Variants in CEP112 observed in about 807,000 individuals in gnomAD.
CEP112 encodes centrosomal protein 112, also known as centrosomal protein of 112 kDa.
In CEP112, 127 loss-of-function variants were observed where a neutral mutation model predicts 153.0. The observed-to-expected ratio is 0.83, with a 90% CI of 0.72 to 0.96. CEP112 has a LOEUF of 0.96. CEP112 is among the 40% of genes least tolerant of loss of function. The pLI is 0.00. For missense variants in CEP112, 1,089 were observed against 1,101.2 expected, an observed-to-expected ratio of 0.99 and a Z score of 0.16; for synonymous variants, 358 against 374.4, an observed-to-expected ratio of 0.96 and a Z score of 0.51.
chr17:66,027,516 G>A lies in CEP112; in HGVS notation c.1641C>T (p.His547=). Residue 547 remains histidine, a synonymous_variant, in exon 16 of 27, where the codon CAC becomes CAT. Transcript: ENST00000535342. ...KFQMEKSHLK[H]IYEKKAHDLQ... ...AACATATTACCTTTTTTTCATAGAT[G>A]TGTTTTAAATGACTTTTCTCCATCT... 7.5e-7 allele frequency: 1 copy of A among 1,331,996 alleles called. No individual in the cohort carries two copies. Among genetic ancestry groups the A allele is most frequent in the South Asian group, 1.4e-5 (1 of 71,870 alleles). 82.5% of individuals were successfully genotyped at this position (1,331,996 alleles called of 1,614,324 possible).
chr17:65,867,151 C>T (rs1343613832), intron 20 of CEP112, among the ~76,000 whole-genome samples: 1 of 152,228 alleles, frequency 6.6e-6, no homozygotes, highest in East Asian at 1.9e-4. Context: ...TCAGCCATGG[C>T]AGCTGCTTAT....
Position 66,030,715 on chromosome 17 carries a change from G to A in CEP112, c.1219-692C>T, listed in dbSNP as rs571671698. ...CCTTTGTAGAACTGCAATTTAAAAC[G>A]TGGATAAAGGTATTTATCATCTTTT... On this transcript the variant is annotated intron_variant, in intron 12 of 26. Coordinates refer to ENST00000535342, the MANE Select transcript of CEP112 (RefSeq NM_001199165.4). Among the ~76,000 whole-genome samples, 10 of 152,014 alleles carry A rather than the reference G, an allele frequency of 6.6e-5. No individual in the cohort carries two copies. The South Asian group carries it at 2.1e-3, about 32-fold the overall frequency.
At chr17:66,098,105 G>A (rs532144360) in intron 6 of CEP112, among the ~76,000 whole-genome samples, 4 of 152,298 alleles carry the variant, frequency 2.6e-5, no homozygotes, top group African/African-American at 7.2e-5. Context: ...GCAATCAATC[G>A]TTCAAACCAG....
At chr17:66,128,487 T>G (rs1361053435) in intron 6 of CEP112, among the ~76,000 whole-genome samples, 1 of 152,084 alleles carries the variant, frequency 6.6e-6, no homozygotes, top group Non-Finnish European at 1.5e-5. Context: ...TTTAAGTTTT[T>G]TGAAATAACA....
chr17:66,116,435 T>A (rs932652091), intron 6 of CEP112, among the ~76,000 whole-genome samples: 1 of 152,212 alleles, frequency 6.6e-6, no homozygotes, highest in Non-Finnish European at 1.5e-5. Flanking sequence ...CTTTGTTTTT[T>A]TAATTGATTA....
intron 21 of CEP112, among the ~76,000 whole-genome samples, chr17:65,833,744 T>C (rs903006262): frequency 6.6e-6 from 1 of 152,210 alleles, no homozygotes; most frequent in African/African-American, 2.4e-5. Flanking sequence ...CCCATGCTCA[T>C]GGATTGGAAG....
chr17:65,987,013 T>C (rs1251932468), intron 17 of CEP112, among the ~76,000 whole-genome samples: 1 of 151,844 alleles, frequency 6.6e-6, no homozygotes, highest in Non-Finnish European at 1.5e-5. Flanking sequence ...TATTGAGTAA[T>C]GAGAAAAAAA....
rs1288289709 is a variant in CEP112, at chr17:66,129,816, T to A, written c.572A>T (p.Tyr191Phe). 6.2e-7 allele frequency: 1 copy of A among 1,604,652 alleles called. No individual in the cohort carries two copies. The highest frequency in any genetic ancestry group is 8.5e-7 in the Non-Finnish European group (1 of 1,173,636). ...QNITPKICEV[Y>F]SKKSPVSLDD... The stretch of plus-strand genomic sequence containing the variant: ...CAAAGAAACAGGAGATTTTTTCGAA[T>A]AAACTTCCTGAAATACAAAAGGGAA... The change falls in exon 6 of 27, where the codon TAT becomes TTT. Residue 191 changes from tyrosine to phenylalanine, a missense_variant. Coordinates refer to ENST00000535342, the MANE Select transcript of CEP112 (RefSeq NM_001199165.4).
chr17:66,038,258 A>G (rs2065825912), intron 12 of CEP112, among the ~76,000 whole-genome samples: 1 of 152,188 alleles, frequency 6.6e-6, no homozygotes, highest in African/African-American at 2.4e-5. Flanking sequence ...TGGCCTTTGC[A>G]TTAAGATCTC....
chr17:65,639,877 C>T (rs1434377040), intron 25 of CEP112, among the ~76,000 whole-genome samples: 2 of 131,962 alleles, frequency 1.5e-5, no homozygotes, highest in South Asian at 2.5e-4. Flanking sequence ...TCCTCTGTCA[C>T]CCAGGCTGGA....
At chr17:65,756,806 G>A (rs2052310857) in intron 21 of CEP112, among the ~76,000 whole-genome samples, 1 of 152,194 alleles carries the variant, frequency 6.6e-6, no homozygotes, top group African/African-American at 2.4e-5. Flanking sequence ...AGATCTAGCA[G>A]TAGAGAGGGA....
At chr17:66,077,002 G>T (rs541821412) in intron 8 of CEP112, among the ~76,000 whole-genome samples, 1 of 152,242 alleles carries the variant, frequency 6.6e-6, no homozygotes, top group East Asian at 1.9e-4. Flanking sequence ...GTAGGAAAAG[G>T]GGGAGAATAC....
chr17:65,820,228 C>T (rs1471261358), intron 21 of CEP112, among the ~76,000 whole-genome samples: 2 of 152,006 alleles, frequency 1.3e-5, no homozygotes, highest in African/African-American at 4.8e-5. Flanking sequence ...CTTTGACTGC[C>T]TCAGAAAATT....
Position 66,095,925 on chromosome 17 carries a change from T to A in CEP112, c.768+326A>T, listed in dbSNP as rs78970137. Among the ~76,000 whole-genome samples, 1,503 of 151,458 alleles carry A rather than the reference T, an allele frequency of 9.9e-3. 21 individuals are homozygous for A. Among genetic ancestry groups the A allele is most frequent in the African/African-American group, 0.033 (1,374 of 41,276 alleles). ...TCCCATCTCTACCAAAAAAAAAAAA[T>A]TTTAATTAGCTGGACATGGTGGCAC... is the stretch of plus-strand genomic sequence containing the variant. On this transcript the variant is annotated intron_variant, in intron 8 of 26. Transcript: ENST00000535342.
rs149349191 is a variant in CEP112 at position 66,134,093 on chromosome 17, CA to C, written c.471-1331del. Among the ~76,000 whole-genome samples, 1,169 of 152,164 alleles carry C rather than the reference CA, an allele frequency of 7.7e-3. 14 individuals are homozygous for C. Among genetic ancestry groups the C allele is most frequent in the African/African-American group, 0.026 (1,100 of 41,516 alleles). ...TATGAGGAGAGGTAACCTGATATGT[CA>C]TACTAAGCAGTGGCGTATTCTTAAG... On this transcript the variant is annotated intron_variant, in intron 4 of 26. Transcript: ENST00000535342.
chr17:65,910,421 A>G (rs905738187), intron 19 of CEP112, among the ~76,000 whole-genome samples: 7 of 152,184 alleles, frequency 4.6e-5, no homozygotes, highest in Non-Finnish European at 4.4e-5. Context: ...TAATTACATT[A>G]GGAAAAAGGT....
At chr17:66,008,691 C>T (rs1445297371) in intron 16 of CEP112, among the ~76,000 whole-genome samples, 1 of 152,134 alleles carries the variant, frequency 6.6e-6, no homozygotes, top group Non-Finnish European at 1.5e-5. Flanking sequence ...CATTCCCTGA[C>T]ATCCCTCCCC....
At chr17:65,912,485 G>A (rs866489366) in intron 19 of CEP112, among the ~76,000 whole-genome samples, 2 of 152,052 alleles carry the variant, frequency 1.3e-5, no homozygotes. Context: ...CCTAGTAAAG[G>A]CCATATCCTC....
At chr17:65,704,124 C>T (rs1486442250) in intron 23 of CEP112, among the ~76,000 whole-genome samples, 1 of 151,888 alleles carries the variant, frequency 6.6e-6, no homozygotes, top group East Asian at 1.9e-4. Flanking sequence ...GGCCCTGCGA[C>T]GACAGGGCCA....
Sources: allele counts gnomAD v4.1 joint callset (sites outside exome capture counted in the v4.1 genomes callset), GRCh38; gene constraint gnomAD v4.1.1; transcripts MANE v1.5; gene names NCBI Gene and HGNC (gene_info 2026-07-23, HGNC 2026-07-21).